Variants in RPS6KA2 observed in about 807,000 individuals in gnomAD.
The protein encoded by RPS6KA2 is ribosomal protein S6 kinase alpha-2.
RPS6KA2 carries 42 observed loss-of-function variants against 91.8 expected under a neutral mutation model. The ratio of observed to expected loss-of-function variants is 0.46; its 90% confidence interval spans 0.36 to 0.59. The LOEUF is 0.59. RPS6KA2 is among the 20% of genes least tolerant of loss of function. The probability of loss-of-function intolerance (pLI) is 0.00; values close to 1 mark genes in which losing one functional copy is unlikely to be tolerated. For synonymous variants in RPS6KA2, 414 were observed against 393.6 expected (o/e 1.05, Z -0.61); for missense variants, 798 against 978.5 (o/e 0.82, Z 2.46).
At chr6:166,841,084 C>G (rs1780464547) in intron 2 of RPS6KA2, among the ~76,000 whole-genome samples, 1 of 151,618 alleles carries the variant, frequency 6.6e-6, no homozygotes, top group Admixed American at 6.6e-5. Context: ...GAGTTCAAGA[C>G]CAGCCTGGGC....
At position 166,533,455 on chromosome 6, in the gene RPS6KA2, G is replaced by A. The variant is rs562152034; in HGVS notation, c.217-2142C>T. 6.6e-6 allele frequency among the ~76,000 whole-genome samples: 1 copy of A among 152,364 alleles called. No individual in the cohort carries two copies. Among genetic ancestry groups the A allele is most frequent in the South Asian group, 2.1e-4 (1 of 4,834 alleles). ...AAGTCGGAGGGGGTGTGGAACAAGG[G>A]ACAGTTGTGTTTGTGGCAGGGACGC... On this transcript the variant is annotated intron_variant, in intron 2 of 20. Coordinates refer to ENST00000265678, the MANE Select transcript of RPS6KA2 (RefSeq NM_021135.6). This position sits in a 1 kb window ranked among gnomAD's most constrained non-coding sequence, Gnocchi z 4.0.
At chr6:166,816,230 C>T (rs1308293464) in intron 2 of RPS6KA2, among the ~76,000 whole-genome samples, 1 of 151,962 alleles carries the variant, frequency 6.6e-6, no homozygotes, top group East Asian at 1.9e-4. Flanking sequence ...TCTTAGCATG[C>T]CCAGCATATT....
intron 2 of RPS6KA2, among the ~76,000 whole-genome samples, chr6:166,840,334 G>C (rs752137454): frequency 3.3e-5 from 5 of 152,130 alleles, no homozygotes; most frequent in Non-Finnish European, 7.3e-5. Context: ...CAGACTTCCA[G>C]GCTTTCATGT....
chr6:166,427,667 C>G (rs1309912873), intron 16 of RPS6KA2, among the ~76,000 whole-genome samples: 4 of 152,112 alleles, frequency 2.6e-5, no homozygotes, highest in Non-Finnish European at 5.9e-5. Context: ...AACAGACAAC[C>G]AGAGAGCCAA....
chr6:166,518,004 C>T (rs1249963938), intron 3 of RPS6KA2, among the ~76,000 whole-genome samples: 1 of 152,138 alleles, frequency 6.6e-6, no homozygotes, highest in African/African-American at 2.4e-5. Context: ...CCTGATTTCC[C>T]ACTCCACACG....
At chr6:166,502,491 G>C (rs1782059902) in intron 6 of RPS6KA2, among the ~76,000 whole-genome samples, 1 of 151,890 alleles carries the variant, frequency 6.6e-6, no homozygotes, top group South Asian at 2.1e-4. Context: ...GGATCACGCT[G>C]ACCTTCAGGA....
intron 2 of RPS6KA2, among the ~76,000 whole-genome samples, chr6:166,789,567 CA>C (rs536570431): frequency 7.9e-4 from 120 of 152,370 alleles, no homozygotes; most frequent in African/African-American, 2.7e-3. Context: ...ACTGCCTCCT[CA>C]AGTGGGTCCC....
At position 166,452,325 on chromosome 6, in the gene RPS6KA2, C is replaced by T. The variant is rs1036338156; in HGVS notation, c.1076-1092G>A. ...CACAGTAATAACAAATTGTAGATGA[C>T]GCAAACAAATGGAAAAACATCACAT... On this transcript the variant is annotated intron_variant, in intron 12 of 20. Transcript: ENST00000265678. 5.3e-5 allele frequency among the ~76,000 whole-genome samples: 8 copies of T among 152,004 alleles called. No individual in the cohort carries two copies. In the East Asian group the frequency reaches 7.7e-4, roughly 15 times the overall value.
chr6:166,422,059 C>T (rs1487316646), intron 17 of RPS6KA2, among the ~76,000 whole-genome samples: 3 of 152,152 alleles, frequency 2.0e-5, no homozygotes, highest in Non-Finnish European at 2.9e-5. Flanking sequence ...ACCACCACAC[C>T]TGGCTAATTT....
chr6:166,562,010 G>A (rs1245815468), intron 1 of RPS6KA2, among the ~76,000 whole-genome samples: 1 of 152,168 alleles, frequency 6.6e-6, no homozygotes, highest in Non-Finnish European at 1.5e-5. Context: ...TTCAAAGCAG[G>A]CGGAGAGGGA....
chr6:166,510,239 C>T (rs1257732868), intron 4 of RPS6KA2, 38 bp downstream of exon 4: 1 of 1,296,974 alleles, frequency 7.7e-7, no homozygotes, highest in Non-Finnish European at 1.1e-6. Context: ...GAAGGTTGCC[C>T]TGGGTCCTCT....
intron 2 of RPS6KA2, among the ~76,000 whole-genome samples, chr6:166,659,587 G>A (rs1295746249): frequency 6.6e-6 from 1 of 152,274 alleles, no homozygotes; most frequent in African/African-American, 2.4e-5. Context: ...GCAAGGCATA[G>A]TAGGTTATCA....
At chr6:166,762,418 G>A (rs560540533) in intron 2 of RPS6KA2, among the ~76,000 whole-genome samples, 1 of 152,196 alleles carries the variant, frequency 6.6e-6, no homozygotes, top group Non-Finnish European at 1.5e-5. Context: ...ATGTTAAACG[G>A]AGGACGGAAT....
chr6:166,775,726 G>A (rs1222409674), intron 2 of RPS6KA2, among the ~76,000 whole-genome samples: 2 of 152,196 alleles, frequency 1.3e-5, no homozygotes, highest in Non-Finnish European at 2.9e-5. Context: ...GCTGCAGCCC[G>A]GGGATCTTCT....
chr6:166,618,244 C>T (rs1786490676), intron 1 of RPS6KA2, among the ~76,000 whole-genome samples: 1 of 152,236 alleles, frequency 6.6e-6, no homozygotes, highest in Admixed American at 6.5e-5. Context: ...CGAACCACCA[C>T]CTCTAGGCTA....
intron 1 of RPS6KA2, among the ~76,000 whole-genome samples, chr6:166,539,990 A>C (rs180943488): frequency 6.6e-6 from 1 of 152,244 alleles, no homozygotes; most frequent in Non-Finnish European, 1.5e-5. Flanking sequence ...AATTGTATGC[A>C]TAGTGTGCTC....
At chr6:166,649,517 T>C (rs932487674) in intron 2 of RPS6KA2, among the ~76,000 whole-genome samples, 1 of 152,200 alleles carries the variant, frequency 6.6e-6, no homozygotes, top group Non-Finnish European at 1.5e-5. Context: ...GTATATAGAT[T>C]TCCAGATTTT....
chr6:166,839,975 T>C (rs1362304726), intron 2 of RPS6KA2, among the ~76,000 whole-genome samples: 1 of 144,462 alleles, frequency 6.9e-6, no homozygotes, highest in African/African-American at 2.5e-5. Context: ...AACTATTGAA[T>C]GAAATTAGTA....
At chr6:166,834,050 C>G (rs1415437622) in intron 2 of RPS6KA2, among the ~76,000 whole-genome samples, 2 of 152,138 alleles carry the variant, frequency 1.3e-5, no homozygotes. Flanking sequence ...GCATAAATAT[C>G]TAAGGGTGAA....
Sources: allele counts gnomAD v4.1 joint callset (sites outside exome capture counted in the v4.1 genomes callset), GRCh38; gene constraint gnomAD v4.1.1; non-coding constraint Gnocchi (gnomAD v3.1); transcripts MANE v1.5; gene names NCBI Gene and HGNC (gene_info 2026-07-23, HGNC 2026-07-21).